Variants in MAPRE2 observed in about 807,000 individuals in gnomAD.
MAPRE2 encodes microtubule associated protein RP/EB family member 2.
In MAPRE2, 13 loss-of-function variants were observed where a neutral mutation model predicts 43.2. The ratio of observed to expected loss-of-function variants is 0.30; its 90% CI spans 0.20 to 0.48. MAPRE2 has a LOEUF of 0.48. MAPRE2 is among the 20% of genes least tolerant of loss of function. MAPRE2 has a pLI of 0.99. For missense variants in MAPRE2, 161 were observed against 400.2 expected (o/e 0.40, Z 5.10); for synonymous variants, 135 against 148.8 (o/e 0.91, Z 0.68).
chr18:35,124,677 A>T (rs764996835), intron 4 of MAPRE2, among the ~76,000 whole-genome samples: 96 of 152,148 alleles, frequency 6.3e-4, no homozygotes, highest in Admixed American at 5.2e-4. Flanking sequence ...TTTCTGTTAG[A>T]CTTCCTTTAT....
intron 2 of MAPRE2, among the ~76,000 whole-genome samples, chr18:35,074,133 A>G (rs918573747): frequency 9.9e-5 from 15 of 152,212 alleles, no homozygotes; most frequent in Admixed American, 3.9e-4. Context: ...TCAGCAATCT[A>G]TTGCTCACCT....
chr18:35,009,473 C>T (rs1251696601), intron 2 of MAPRE2, among the ~76,000 whole-genome samples: 2 of 152,166 alleles, frequency 1.3e-5, no homozygotes, highest in East Asian at 1.9e-4. Flanking sequence ...GGGATGAATG[C>T]GAGTTTCCCC....
At chr18:34,993,255 C>CTT (rs760356794) in intron 1 of MAPRE2, among the ~76,000 whole-genome samples, 13 of 130,072 alleles carry the variant, frequency 1.0e-4, no homozygotes, top group African/African-American at 2.6e-4. Context: ...CCATTCCCGC[C>CTT]TTTTTTTTTT....
At chr18:35,044,858 T>G (rs1905542073) in intron 1 of MAPRE2, among the ~76,000 whole-genome samples, 1 of 152,330 alleles carries the variant, frequency 6.6e-6, no homozygotes, top group East Asian at 1.9e-4. Context: ...TGTTCATAAG[T>G]ATGTCAAATT....
chr18:35,124,386 G>C (rs544009095), intron 4 of MAPRE2, among the ~76,000 whole-genome samples: 2 of 152,254 alleles, frequency 1.3e-5, no homozygotes, highest in Admixed American at 6.5e-5. Context: ...ACAACATGTG[G>C]GGATTATGGG....
chr18:35,119,914 T>A (rs934847774), intron 4 of MAPRE2, among the ~76,000 whole-genome samples: 2 of 152,242 alleles, frequency 1.3e-5, no homozygotes, highest in Non-Finnish European at 2.9e-5. Flanking sequence ...TTGAATCAGG[T>A]CTTATTTGCT....
chr18:35,122,593 C>T (rs1265314870), intron 4 of MAPRE2, among the ~76,000 whole-genome samples: 1 of 152,040 alleles, frequency 6.6e-6, no homozygotes, highest in African/African-American at 2.4e-5. Flanking sequence ...TTTTCCATTT[C>T]TTCCTTCACT....
At chr18:35,101,225 A>G (rs1908663181) in intron 3 of MAPRE2, among the ~76,000 whole-genome samples, 1 of 152,180 alleles carries the variant, frequency 6.6e-6, no homozygotes, top group Non-Finnish European at 1.5e-5. Context: ...AAGAAAATCA[A>G]TAATGATGTT....
At chr18:35,116,427 A>G (rs1035930871) in intron 4 of MAPRE2, among the ~76,000 whole-genome samples, 1 of 152,214 alleles carries the variant, frequency 6.6e-6, no homozygotes, top group African/African-American at 2.4e-5. Context: ...CAGATTGTAA[A>G]GTCCAGGCAC....
intron 2 of MAPRE2, among the ~76,000 whole-genome samples, chr18:35,006,844 T>C (rs1180144613): frequency 2.0e-5 from 3 of 152,210 alleles, no homozygotes; most frequent in African/African-American, 7.2e-5. Context: ...ATACCTGTAA[T>C]ACCAGCTACT....
chr18:35,123,114 T>A (rs1909760975), intron 4 of MAPRE2, among the ~76,000 whole-genome samples: 1 of 152,204 alleles, frequency 6.6e-6, no homozygotes, highest in Non-Finnish European at 1.5e-5. Context: ...GTCCTCTGCT[T>A]CTTCATAGTT....
intron 2 of MAPRE2, among the ~76,000 whole-genome samples, chr18:35,028,382 C>G (rs965317586): frequency 6.6e-6 from 1 of 152,192 alleles, no homozygotes; most frequent in East Asian, 1.9e-4. Flanking sequence ...GGATTCAAAT[C>G]CAAAGCATAT....
intron 1 of MAPRE2, among the ~76,000 whole-genome samples, chr18:35,053,394 A>G (rs957349487): frequency 1.3e-5 from 2 of 152,168 alleles, no homozygotes; most frequent in Non-Finnish European, 2.9e-5. Context: ...ACTCCATCTC[A>G]TAAAAAATAA....
At chr18:35,004,388 G>A (rs1392957805) in intron 1 of MAPRE2, among the ~76,000 whole-genome samples, 1 of 152,092 alleles carries the variant, frequency 6.6e-6, no homozygotes, top group Non-Finnish European at 1.5e-5. Context: ...GTGGAAAGTG[G>A]GGAAGAGAGT....
Position 35,143,014 on chromosome 18 carries a change from A to G in MAPRE2, c.*2645A>G, listed in dbSNP as rs1300791141. The stretch of plus-strand genomic sequence containing the variant: ...CTTCCACTGCTACTGTCAGATAGGA[A>G]GTGATCGAAGCAGGGGGCAAAGAGA... On this transcript the variant is annotated 3_prime_UTR_variant, in exon 7 of 7. Coordinates refer to ENST00000300249, the MANE Select transcript of MAPRE2 (RefSeq NM_014268.4). 6.6e-6 allele frequency: 1 copy of G among 150,454 alleles called. No individual in the cohort carries two copies. Among genetic ancestry groups the G allele is most frequent in the East Asian group, 2.0e-4 (1 of 5,040 alleles). The allele number at this position is 150,454 out of a possible 1,614,324, so 9.3% of individuals were successfully genotyped here.
At chr18:35,005,700 C>T in intron 2 of MAPRE2, 2 of 463,748 alleles carry the variant, frequency 4.3e-6, no homozygotes, top group Non-Finnish European at 7.6e-6. Context: ...TCTTTTAAAA[C>T]ACTATTTTTC....
At chr18:34,986,279 G>A (rs1182830955) in intron 1 of MAPRE2, among the ~76,000 whole-genome samples, 1 of 152,198 alleles carries the variant, frequency 6.6e-6, no homozygotes, top group Non-Finnish European at 1.5e-5. Context: ...CACCTTGAAC[G>A]TTCCTTCCTT....
At chr18:35,036,178 T>C (rs1164288390) in intron 2 of MAPRE2, among the ~76,000 whole-genome samples, 1 of 151,996 alleles carries the variant, frequency 6.6e-6, no homozygotes, top group Non-Finnish European at 1.5e-5. Context: ...TTGAGATGTC[T>C]CTTCCTCCTT....
At chr18:35,071,774 C>CTAGATCAAGA (rs1357243007) in intron 2 of MAPRE2, among the ~76,000 whole-genome samples, 21 of 152,324 alleles carry the variant, frequency 1.4e-4, no homozygotes, top group Non-Finnish European at 2.9e-4. Context: ...GATCAGAATA[C>CTAGATCAAGA]TCCTAGAGCA....
Sources: allele counts gnomAD v4.1 joint callset (sites outside exome capture counted in the v4.1 genomes callset), GRCh38; gene constraint gnomAD v4.1.1; transcripts MANE v1.5; gene names NCBI Gene and HGNC (gene_info 2026-07-23, HGNC 2026-07-21).